The following CMPK1 variants were observed in gnomAD, a reference collection of about 807,000 sequenced individuals.
CMPK1 encodes the protein UMP-CMP kinase.
A neutral mutation model predicts 25.7 loss-of-function variants in CMPK1; 10 were observed. The observed-to-expected ratio is 0.39, with a 90% CI of 0.24 to 0.66. CMPK1 has a LOEUF of 0.66. Ranked by LOEUF, CMPK1 falls within the 30% of genes least tolerant of loss-of-function variation. The pLI is 0.48. For missense variants in CMPK1, 199 were observed against 280.5 expected, an observed-to-expected ratio of 0.71 and a Z score of 2.08; for synonymous variants, 106 against 101.5, an observed-to-expected ratio of 1.04 and a Z score of -0.27.
In CMPK1 at chr1:47,378,277, G is replaced by A. The variant is rs576253238; in HGVS notation, c.*1532G>A. On this transcript the variant is annotated 3_prime_UTR_variant, in exon 6 of 6. Coordinates refer to ENST00000371873, the MANE Select transcript of CMPK1 (RefSeq NM_016308.3). ...CTAAAATTCATATTGAGATTATCTT[G>A]GTTTCTTGGAAGAGATAGGAATGAG... 2.6e-5 allele frequency: 4 copies of A among 152,046 alleles called. No homozygotes were observed. The highest frequency in any genetic ancestry group is 1.9e-4 in the East Asian group (1 of 5,174). 9.4% of individuals were successfully genotyped at this position (152,046 alleles called of 1,614,324 possible). A position where few individuals can be genotyped will look rare whatever the true frequency, so the allele number is the denominator to read the frequency against.
intron 1 of CMPK1, among the ~76,000 whole-genome samples, chr1:47,359,822 A>T (rs1407944813): frequency 6.6e-6 from 1 of 152,146 alleles, no homozygotes; most frequent in Non-Finnish European, 1.5e-5. Context: ...TGAAACCTTT[A>T]TCTTATAAGG....
At chr1:47,350,696 C>T (rs561199507) in intron 1 of CMPK1, among the ~76,000 whole-genome samples, 154 of 152,038 alleles carry the variant, frequency 1.0e-3, no homozygotes, top group African/African-American at 3.5e-3. Flanking sequence ...AGTTCGAGAC[C>T]AGCCTGATCA....
intron 3 of CMPK1, 98 bp from the exon 4 acceptor site, chr1:47,374,811 G>A (rs1646696949): frequency 5.0e-6 from 4 of 796,162 alleles, no homozygotes; most frequent in African/African-American, 3.5e-5. Context: ...TTATTGCAGG[G>A]TTTTTTTGGT....
intron 3 of CMPK1, among the ~76,000 whole-genome samples, chr1:47,374,059 GTTTTA>G: frequency 6.6e-6 from 1 of 151,984 alleles, no homozygotes; most frequent in Non-Finnish European, 1.5e-5. Flanking sequence ...CCTTTGTGTT[GTTTTA>G]TTTTATTTTA....
intron 3 of CMPK1, among the ~76,000 whole-genome samples, chr1:47,374,209 A>G (rs1265089153): frequency 6.6e-6 from 1 of 152,128 alleles, no homozygotes; most frequent in East Asian, 1.9e-4. Context: ...AGGCATGTGC[A>G]CCATGCCTAG....
chr1:47,375,064 A>G (rs1366310768), intron 4 of CMPK1, 79 bp downstream of exon 4: 1 of 1,335,296 alleles, frequency 7.5e-7, no homozygotes, highest in African/African-American at 1.4e-5. Context: ...AGTCACATTT[A>G]AACATGTAAA....
intron 1 of CMPK1, among the ~76,000 whole-genome samples, chr1:47,359,258 A>G (rs887666459): frequency 6.6e-6 from 1 of 151,828 alleles, no homozygotes; most frequent in African/African-American, 2.4e-5. Flanking sequence ...CAGAGCTTGC[A>G]GTGAGCCAAG....
At chr1:47,351,875 C>T (rs1646524944) in intron 1 of CMPK1, among the ~76,000 whole-genome samples, 1 of 151,934 alleles carries the variant, frequency 6.6e-6, no homozygotes, top group Non-Finnish European at 1.5e-5. Context: ...ATGGCTTACA[C>T]CTGTAATCCC....
intron 1 of CMPK1, among the ~76,000 whole-genome samples, chr1:47,350,351 C>T (rs1646514420): frequency 6.6e-6 from 1 of 152,096 alleles, no homozygotes; most frequent in Admixed American, 6.6e-5. Context: ...ATTCTCCCAC[C>T]TCAGCCTACA....
At chr1:47,348,323 G>A (rs1237747320) in intron 1 of CMPK1, among the ~76,000 whole-genome samples, 1 of 152,108 alleles carries the variant, frequency 6.6e-6, no homozygotes, top group African/African-American at 2.4e-5. Context: ...AATACTTTTA[G>A]CCCAATTGCC....
chr1:47,362,251 C>T (rs1198840472), intron 1 of CMPK1, among the ~76,000 whole-genome samples: 1 of 147,922 alleles, frequency 6.8e-6, no homozygotes, highest in East Asian at 2.1e-4. Flanking sequence ...CTCACTGCAA[C>T]CTCCGCCTTC....
intron 1 of CMPK1, among the ~76,000 whole-genome samples, chr1:47,363,230 G>A (rs1273786498): frequency 1.3e-5 from 2 of 152,208 alleles, no homozygotes; most frequent in Non-Finnish European, 2.9e-5. Flanking sequence ...CATAAATGAG[G>A]AGTGTACTGA....
intron 1 of CMPK1, among the ~76,000 whole-genome samples, chr1:47,360,300 T>A (rs1213653032): frequency 6.6e-6 from 1 of 152,138 alleles, no homozygotes; most frequent in Non-Finnish European, 1.5e-5. Context: ...ATAAAAATAC[T>A]GGAATTGACC....
At chr1:47,349,767 T>A (rs1646509487) in intron 1 of CMPK1, among the ~76,000 whole-genome samples, 1 of 152,146 alleles carries the variant, frequency 6.6e-6, no homozygotes, top group Admixed American at 6.6e-5. Flanking sequence ...TGTTTGTTTG[T>A]TTGTTTTGGA....
intron 5 of CMPK1, among the ~76,000 whole-genome samples, chr1:47,376,219 G>A (rs1354388834): frequency 6.6e-6 from 1 of 151,634 alleles, no homozygotes; most frequent in African/African-American, 2.4e-5. Flanking sequence ...CTAAGTATGT[G>A]ATTCAAAAAA....
intron 2 of CMPK1, among the ~76,000 whole-genome samples, chr1:47,372,255 G>A (rs1182610922): frequency 6.6e-6 from 1 of 152,086 alleles, no homozygotes; most frequent in African/African-American, 2.4e-5. Flanking sequence ...ACCACGCCCA[G>A]CTAATTTTTG....
chr1:47,375,961 T>C (rs1646705484), intron 5 of CMPK1, among the ~76,000 whole-genome samples: 1 of 152,196 alleles, frequency 6.6e-6, no homozygotes, highest in Non-Finnish European at 1.5e-5. Context: ...TTTTAATCCA[T>C]TGACACTTTG....
intron 1 of CMPK1, among the ~76,000 whole-genome samples, chr1:47,362,292 C>A (rs1204805920): frequency 6.6e-6 from 1 of 151,598 alleles, no homozygotes; most frequent in African/African-American, 2.4e-5. Flanking sequence ...GCCTCAGCCT[C>A]CCCAGTAGCT....
intron 1 of CMPK1, among the ~76,000 whole-genome samples, chr1:47,355,362 T>G (rs1646552589): frequency 6.7e-6 from 1 of 149,142 alleles, no homozygotes; most frequent in Non-Finnish European, 1.5e-5. Context: ...TTTTTTTTTT[T>G]TTTGAGACAG....
Sources: allele counts gnomAD v4.1 joint callset (sites outside exome capture counted in the v4.1 genomes callset), GRCh38; gene constraint gnomAD v4.1.1; transcripts MANE v1.5; gene names NCBI Gene and HGNC (gene_info 2026-07-23, HGNC 2026-07-21).